The following PAX5 variants were observed in gnomAD, a reference collection of about 807,000 sequenced individuals.
The protein encoded by PAX5 is paired box 5.
PAX5 carries 9 observed loss-of-function variants against 43.7 expected under a neutral mutation model. That is an observed-to-expected ratio of 0.21 (90% CI 0.12 to 0.36). The LOEUF (loss-of-function observed/expected upper bound fraction) is 0.36, where lower values mean the gene tolerates loss of function less well. PAX5 is among the 10% of genes least tolerant of loss of function. PAX5 has a pLI of 1.00. For missense variants in PAX5, 383 were observed against 532.7 expected (o/e 0.72, Z 2.77); for synonymous variants, 228 against 214.3 (o/e 1.06, Z -0.56).
At chr9:36,881,799 C>A (rs899103486) in intron 8 of PAX5, among the ~76,000 whole-genome samples, 1 of 152,068 alleles carries the variant, frequency 6.6e-6, no homozygotes, top group African/African-American at 2.4e-5. Flanking sequence ...ACCCTCCCCT[C>A]GCCCCCGGTG....
At chr9:36,964,151 G>A (rs1834206459) in intron 6 of PAX5, among the ~76,000 whole-genome samples, 2 of 152,068 alleles carry the variant, frequency 1.3e-5, no homozygotes, top group African/African-American at 2.4e-5. Flanking sequence ...CATGGTGGCG[G>A]GTGCCTGTAG....
intron 1 of PAX5, among the ~76,000 whole-genome samples, chr9:37,021,841 T>C (rs567474125): frequency 1.3e-5 from 2 of 152,114 alleles, no homozygotes; most frequent in Non-Finnish European, 2.9e-5. Flanking sequence ...CAAAGCCAAG[T>C]CAAAGCATTT....
intron 6 of PAX5, among the ~76,000 whole-genome samples, chr9:36,935,565 G>T (rs545069560): frequency 1.3e-5 from 2 of 152,278 alleles, no homozygotes; most frequent in Admixed American, 1.3e-4. Flanking sequence ...GCCCAGGGAG[G>T]CCACCAAAGT....
At chr9:37,032,600 C>T (rs1841092250) in intron 1 of PAX5, among the ~76,000 whole-genome samples, 1 of 152,162 alleles carries the variant, frequency 6.6e-6, no homozygotes, top group African/African-American at 2.4e-5. Context: ...GGCTTGGGGT[C>T]TAAGTTTATC....
chr9:36,835,759 G>A lies in PAX5; in HGVS notation c.*4801C>T, dbSNP rs961371962. 1.3e-5 allele frequency: 3 copies of A among 233,204 alleles called. No individual in the cohort carries two copies. The highest frequency in any genetic ancestry group is 4.4e-5 in the African/African-American group (2 of 45,352). The allele number at this position is 233,204 out of a possible 1,614,324, so 14.4% of individuals were successfully genotyped here. ...CTGGGAACCATCAGAGCAGCCTCTC[G>A]ATGGGTGACAAGGCCAAGACTGCAG... On this transcript the variant is annotated 3_prime_UTR_variant, in exon 10 of 10. Transcript: ENST00000358127.
At chr9:36,941,382 G>A (rs1284401203) in intron 6 of PAX5, among the ~76,000 whole-genome samples, 1 of 152,206 alleles carries the variant, frequency 6.6e-6, no homozygotes, top group East Asian at 1.9e-4. Flanking sequence ...CAGCAGAAGT[G>A]AGTCCAAATA....
chr9:36,865,726 T>C (rs1824807318), intron 8 of PAX5, among the ~76,000 whole-genome samples: 1 of 152,238 alleles, frequency 6.6e-6, no homozygotes, highest in African/African-American at 2.4e-5. Context: ...GTATTTATAA[T>C]TGTCCACTGT....
chr9:36,902,008 T>C (rs1296321466), intron 7 of PAX5, among the ~76,000 whole-genome samples: 1 of 152,098 alleles, frequency 6.6e-6, no homozygotes, highest in Non-Finnish European at 1.5e-5. Flanking sequence ...TCTTTTAGAG[T>C]AAGGGTGAGG....
intron 5 of PAX5, among the ~76,000 whole-genome samples, chr9:36,975,296 T>TG (rs1835318715): frequency 6.6e-6 from 1 of 152,008 alleles, no homozygotes; most frequent in Non-Finnish European, 1.5e-5. Context: ...TACAGAACAG[T>TG]GGGGAAGCCT....
intron 6 of PAX5, among the ~76,000 whole-genome samples, chr9:36,954,030 C>T (rs1008302338): frequency 6.6e-6 from 1 of 152,164 alleles, no homozygotes. Flanking sequence ...TGAGATCATG[C>T]CACTGTACTC....
rs10650417 is a variant in PAX5 at position 36,882,267 on chromosome 9, TACACACACACAC to T, written c.911-174_911-163del. 2.7e-5 allele frequency among the ~76,000 whole-genome samples: 4 copies of T among 146,272 alleles called. No individual in the cohort carries two copies. Among genetic ancestry groups the T allele is most frequent in the African/African-American group, 1.0e-4 (4 of 40,136 alleles). On this transcript the variant is annotated intron_variant, in intron 7 of 9. Coordinates refer to ENST00000358127, the MANE Select transcript of PAX5 (RefSeq NM_016734.3). The surrounding 1 kb of genome is among the most constrained non-coding windows in gnomAD (Gnocchi z 4.4). ...GCTCACACGCTCTCACAAACACACA[TACACACACACAC>T]ACACACACACACACACTCATGCACA...
chr9:36,913,954 CG>C (rs1239720037), intron 7 of PAX5, among the ~76,000 whole-genome samples: 1 of 152,172 alleles, frequency 6.6e-6, no homozygotes, highest in Non-Finnish European at 1.5e-5. Flanking sequence ...AGATGAATGC[CG>C]TGTGGTGAAA....
chr9:37,021,501 C>A (rs906267746), intron 1 of PAX5, among the ~76,000 whole-genome samples: 1 of 152,156 alleles, frequency 6.6e-6, no homozygotes, highest in Non-Finnish European at 1.5e-5. Flanking sequence ...CTCCACTGCA[C>A]GGGGATTTGT....
chr9:36,894,833 C>T (rs1827710800), intron 7 of PAX5, among the ~76,000 whole-genome samples: 1 of 152,224 alleles, frequency 6.6e-6, no homozygotes, highest in African/African-American at 2.4e-5. Flanking sequence ...CATCGAGCTG[C>T]TGTCAGAAAT....
At chr9:36,927,772 G>A (rs186091517) in intron 6 of PAX5, among the ~76,000 whole-genome samples, 3 of 150,546 alleles carry the variant, frequency 2.0e-5, no homozygotes, top group African/African-American at 7.3e-5. Flanking sequence ...GCAGTGGCAC[G>A]ATCTTGGCTC....
At chr9:36,975,603 T>A (rs1330569969) in intron 5 of PAX5, among the ~76,000 whole-genome samples, 2 of 152,140 alleles carry the variant, frequency 1.3e-5, no homozygotes, top group African/African-American at 4.8e-5. Context: ...GCCAGGATGG[T>A]CTTGATCTCC....
chr9:36,866,720 C>T (rs1166704422), intron 8 of PAX5, among the ~76,000 whole-genome samples: 1 of 152,120 alleles, frequency 6.6e-6, no homozygotes, highest in East Asian at 1.9e-4. Flanking sequence ...CACCTGGCTC[C>T]CCCTCTGACT....
intron 6 of PAX5, among the ~76,000 whole-genome samples, chr9:36,940,093 G>A (rs868581761): frequency 6.6e-6 from 1 of 152,210 alleles, no homozygotes; most frequent in South Asian, 2.1e-4. Context: ...TGAGGAGTCT[G>A]AGGCTCCCCT....
chr9:37,020,921 C>A (rs1331082529), intron 1 of PAX5, 120 bp from the exon 2 acceptor site: 10 of 1,024,474 alleles, frequency 9.8e-6, no homozygotes, highest in Non-Finnish European at 1.3e-5. Context: ...GGCTGGATGT[C>A]TCGCGCCTGG....
Sources: gnomAD v4.1 joint callset for allele counts (sites outside exome capture counted in the v4.1 genomes callset) on GRCh38, gnomAD v4.1.1 for gene constraint, Gnocchi (gnomAD v3.1) non-coding constraint, MANE v1.5 for transcripts, NCBI Gene and HGNC (gene_info 2026-07-23, HGNC 2026-07-21) for gene names.